Variants in STX18 observed in about 807,000 individuals in gnomAD.
The protein encoded by STX18 is syntaxin 18.
In STX18, 40 loss-of-function variants were observed where a neutral mutation model predicts 50.1. The observed-to-expected ratio is 0.80, with a 90% CI of 0.62 to 1.04. The LOEUF is 1.04. Ranked by LOEUF, STX18 falls within the 50% of genes least tolerant of loss-of-function variation. STX18 has a pLI of 0.00. For missense variants in STX18, 410 were observed against 415.8 expected (o/e 0.99, Z 0.12); for synonymous variants, 158 against 151.8 (o/e 1.04, Z -0.30).
chr4:4,422,203 G>A (rs1174043727), intron 9 of STX18, among the ~76,000 whole-genome samples: 1 of 152,074 alleles, frequency 6.6e-6, no homozygotes, highest in Non-Finnish European at 1.5e-5. Flanking sequence ...TCCAATGAGA[G>A]AATCAATATG....
chr4:4,459,292 A>C (rs537849266), intron 3 of STX18, 80 bp downstream of exon 3: 2 of 972,124 alleles, frequency 2.1e-6, no homozygotes, highest in African/African-American at 3.3e-5. Flanking sequence ...AGGGAATTTT[A>C]ACTGGCCGCA....
intron 1 of STX18, among the ~76,000 whole-genome samples, chr4:4,504,100 T>C (rs544699939): frequency 1.3e-5 from 2 of 152,276 alleles, no homozygotes; most frequent in Admixed American, 6.5e-5. Context: ...TAAAATTCTA[T>C]GAAGCAAAAA....
At chr4:4,466,872 C>G (rs1327407588) in intron 2 of STX18, among the ~76,000 whole-genome samples, 1 of 152,158 alleles carries the variant, frequency 6.6e-6, no homozygotes, top group Non-Finnish European at 1.5e-5. Flanking sequence ...ATCAGCCTCC[C>G]TGAAGATTTG....
intron 2 of STX18, among the ~76,000 whole-genome samples, chr4:4,468,611 T>C (rs1367231559): frequency 4.6e-5 from 7 of 152,208 alleles, no homozygotes; most frequent in Middle Eastern, 3.4e-3. Context: ...TGGTTAAAAC[T>C]GAAAAGCCTA....
Position 4,458,754 on chromosome 4 carries a change from T to A in STX18, c.352+618A>T, listed in dbSNP as rs138652774. Among the ~76,000 whole-genome samples the A allele has an allele frequency of 3.5e-4, 52 of 149,370 alleles. 1 individual carries two copies. In the Middle Eastern group the frequency reaches 0.01, roughly 29 times the overall value. ...TGCTCATAACAACCCTAGAGATACA[T>A]TCCCTAATTGTCTGCATTTCATAGA... is the stretch of plus-strand genomic sequence containing the variant. On this transcript the variant is annotated intron_variant, in intron 3 of 10. Transcript: ENST00000306200.
At chr4:4,430,329 C>T (rs1385647499) in intron 7 of STX18, among the ~76,000 whole-genome samples, 1 of 152,168 alleles carries the variant, frequency 6.6e-6, no homozygotes, top group African/African-American at 2.4e-5. Flanking sequence ...TGTTGTATTT[C>T]TTTCTCTTTA....
At chr4:4,518,296 T>C (rs551837117) in intron 1 of STX18, among the ~76,000 whole-genome samples, 7 of 152,230 alleles carry the variant, frequency 4.6e-5, no homozygotes, top group Non-Finnish European at 1.0e-4. Context: ...GTAAATGTTG[T>C]AGAAAATTAT....
chr4:4,502,202 C>CT (rs987546087), intron 1 of STX18, among the ~76,000 whole-genome samples: 14 of 152,002 alleles, frequency 9.2e-5, no homozygotes, highest in African/African-American at 1.7e-4. Flanking sequence ...AATGACAGCA[C>CT]TTTTTTTTAA....
At chr4:4,461,968 T>G (rs1727403730) in intron 2 of STX18, 1 of 456,214 alleles carries the variant, frequency 2.2e-6, no homozygotes, top group Admixed American at 2.3e-5. Flanking sequence ...GGCCTGTCCC[T>G]GCTGTCTGTG....
At chr4:4,516,476 T>C (rs1275056989) in intron 1 of STX18, among the ~76,000 whole-genome samples, 1 of 152,150 alleles carries the variant, frequency 6.6e-6, no homozygotes, top group Admixed American at 6.5e-5. Context: ...AATTGAAAAA[T>C]TATGCCTCTT....
intron 1 of STX18, among the ~76,000 whole-genome samples, chr4:4,484,628 C>T (rs547526294): frequency 1.3e-5 from 2 of 152,166 alleles, no homozygotes; most frequent in East Asian, 1.9e-4. Flanking sequence ...CAACTAGTCA[C>T]GAACACCCTA....
intron 1 of STX18, chr4:4,507,657 T>G: frequency 1.3e-6 from 1 of 783,294 alleles, no homozygotes; most frequent in Non-Finnish European, 2.3e-6. Flanking sequence ...GGCAGCCGGC[T>G]CATAAAGGTT....
intron 1 of STX18, among the ~76,000 whole-genome samples, chr4:4,533,765 C>A (rs181755749): frequency 1.3e-5 from 2 of 152,306 alleles, no homozygotes; most frequent in Admixed American, 6.5e-5. Flanking sequence ...TGCAGCCCTA[C>A]CCTAGTAGGT....
intron 1 of STX18, among the ~76,000 whole-genome samples, chr4:4,487,656 C>T (rs140922291): frequency 6.6e-6 from 1 of 152,180 alleles, no homozygotes; most frequent in Non-Finnish European, 1.5e-5. Context: ...TCGCCTCCCC[C>T]CTGCCAAACC....
At chr4:4,539,823 G>C (rs1205155574) in intron 1 of STX18, among the ~76,000 whole-genome samples, 1 of 152,168 alleles carries the variant, frequency 6.6e-6, no homozygotes, top group African/African-American at 2.4e-5. Flanking sequence ...TCACCACTCA[G>C]GGAGAGGTGG....
chr4:4,485,780 C>T (rs909937807), intron 1 of STX18, among the ~76,000 whole-genome samples: 22 of 151,934 alleles, frequency 1.4e-4, no homozygotes, highest in African/African-American at 4.6e-4. Flanking sequence ...GCACCTACAG[C>T]GTGCAGCCTG....
chr4:4,486,761 T>C (rs1011750696), intron 1 of STX18, among the ~76,000 whole-genome samples: 1 of 152,250 alleles, frequency 6.6e-6, no homozygotes, highest in Non-Finnish European at 1.5e-5. Flanking sequence ...AAAAACATTT[T>C]ACTCATATTT....
intron 6 of STX18, among the ~76,000 whole-genome samples, chr4:4,436,980 A>C: frequency 1.1e-5 from 1 of 92,808 alleles, no homozygotes; most frequent in African/African-American, 5.0e-5. Context: ...TTTTTTTGAG[A>C]CGGAATTTCG....
chr4:4,469,263 G>A (rs556712137), intron 2 of STX18, among the ~76,000 whole-genome samples: 10 of 152,210 alleles, frequency 6.6e-5, no homozygotes, highest in African/African-American at 2.4e-4. Flanking sequence ...AACTAAGAAT[G>A]GTTAAAGGTT....
Sources: gnomAD v4.1 joint callset for allele counts (sites outside exome capture counted in the v4.1 genomes callset) on GRCh38, gnomAD v4.1.1 for gene constraint, MANE v1.5 for transcripts, NCBI Gene and HGNC (gene_info 2026-07-23, HGNC 2026-07-21) for gene names.